The following TASP1 variants were observed in gnomAD, a reference collection of about 807,000 sequenced individuals.
TASP1 encodes threonine aspartase 1.
TASP1 carries 16 observed loss-of-function variants against 56.6 expected under a neutral mutation model. That is an observed-to-expected ratio of 0.28 (90% confidence interval 0.19 to 0.43). The LOEUF (loss-of-function observed/expected upper bound fraction) is 0.43. Among genes scored for constraint, TASP1 ranks in the 20% least tolerant of loss-of-function variants. The pLI is 1.00. For missense variants in TASP1, 393 were observed against 511.6 expected (o/e 0.77, Z 2.24); for synonymous variants, 179 against 184.2 (o/e 0.97, Z 0.23).
chr20:13,278,196 T>C, the TASP1 span, among the ~76,000 whole-genome samples: 1 of 152,166 alleles, frequency 6.6e-6, no homozygotes, highest in Non-Finnish European at 1.5e-5. Flanking sequence ...TAAACAAGTC[T>C]CTCTACGTTG....
At chr20:13,409,216 T>C (rs1348581877) in intron 13 of TASP1, among the ~76,000 whole-genome samples, 1 of 152,062 alleles carries the variant, frequency 6.6e-6, no homozygotes, top group South Asian at 2.1e-4. Context: ...AATAATAACT[T>C]GTTGAATGTA....
chr20:13,127,321 T>C, the TASP1 span, among the ~76,000 whole-genome samples: 4 of 152,212 alleles, frequency 2.6e-5, no homozygotes, highest in Non-Finnish European at 5.9e-5. Context: ...AGATGGTTTA[T>C]ACAGATTCTA....
the TASP1 span, among the ~76,000 whole-genome samples, chr20:13,277,476 T>C: frequency 2.6e-5 from 4 of 152,152 alleles, no homozygotes; most frequent in Non-Finnish European, 4.4e-5. Context: ...GCCCTGTCAC[T>C]GCCCAGCTTG....
chr20:13,432,992 ATACTT>A (rs1473942056), intron 12 of TASP1, among the ~76,000 whole-genome samples: 3 of 152,056 alleles, frequency 2.0e-5, no homozygotes, highest in Non-Finnish European at 4.4e-5. Flanking sequence ...TTGTTTTACT[ATACTT>A]TAAGTTCTGG....
intron 4 of TASP1, among the ~76,000 whole-genome samples, chr20:13,603,374 C>CA (rs147348649): frequency 2.0e-4 from 30 of 146,592 alleles, no homozygotes; most frequent in Non-Finnish European, 3.6e-4. Context: ...TCAGTCTCTA[C>CA]AAAAAAAAAA....
intron 9 of TASP1, among the ~76,000 whole-genome samples, chr20:13,532,334 A>G (rs935392442): frequency 2.6e-5 from 4 of 152,224 alleles, no homozygotes; most frequent in Non-Finnish European, 4.4e-5. Context: ...ACTTTAAAAA[A>G]TAATTAGCCT....
chr20:13,596,599 C>T (rs1409492732), intron 4 of TASP1, among the ~76,000 whole-genome samples: 1 of 152,028 alleles, frequency 6.6e-6, no homozygotes, highest in African/African-American at 2.4e-5. Flanking sequence ...AAAATCAACA[C>T]CGTAATATCA....
In TASP1 at chr20:13,440,199, T is replaced by A. The variant is rs538648529; in HGVS notation, c.986-5045A>T. Among the ~76,000 whole-genome samples the A allele has an allele frequency of 1.4e-4, 22 of 152,220 alleles. No homozygotes were observed. In the South Asian group the frequency reaches 4.6e-3, roughly 32 times the overall value. On this transcript the variant is annotated intron_variant, in intron 11 of 13. Coordinates refer to ENST00000337743, the MANE Select transcript of TASP1 (RefSeq NM_017714.3). ...ATTCTATATTCAGCCAAAAGGTCAA[T>A]AAAGTATGAAAGTGGAATAAAGCTC...
intron 13 of TASP1, among the ~76,000 whole-genome samples, chr20:13,407,625 T>C (rs543249176): frequency 2.0e-5 from 3 of 152,222 alleles, no homozygotes; most frequent in Non-Finnish European, 2.9e-5. Flanking sequence ...ATGGTAACTC[T>C]ATGTTTAACT....
intron 6 of TASP1, among the ~76,000 whole-genome samples, chr20:13,572,196 C>T (rs1470154894): frequency 6.6e-6 from 1 of 152,194 alleles, no homozygotes; most frequent in Non-Finnish European, 1.5e-5. Flanking sequence ...GCATTTAGAA[C>T]AGTGCCTAAA....
intron 6 of TASP1, among the ~76,000 whole-genome samples, chr20:13,580,230 T>C (rs2047072583): frequency 1.3e-5 from 2 of 152,206 alleles, no homozygotes; most frequent in Non-Finnish European, 2.9e-5. Flanking sequence ...GAGGATTGCT[T>C]GAGTCCAGGA....
the TASP1 span, among the ~76,000 whole-genome samples, chr20:13,259,955 A>G: frequency 6.6e-6 from 1 of 152,360 alleles, no homozygotes; most frequent in East Asian, 1.9e-4. Flanking sequence ...CCTGATACAT[A>G]ATAAATATCG....
chr20:13,315,024 T>C, the TASP1 span, among the ~76,000 whole-genome samples: 1 of 151,842 alleles, frequency 6.6e-6, no homozygotes, highest in Non-Finnish European at 1.5e-5. Flanking sequence ...TAAAAAAAAG[T>C]TTAAAAGGAA....
At chr20:13,223,337 C>G in the TASP1 span, among the ~76,000 whole-genome samples, 2 of 152,078 alleles carry the variant, frequency 1.3e-5, no homozygotes, top group African/African-American at 4.8e-5. Context: ...TAATAAAACA[C>G]TTCCATTGTG....
At chr20:13,126,145 T>C in the TASP1 span, among the ~76,000 whole-genome samples, 4 of 152,214 alleles carry the variant, frequency 2.6e-5, no homozygotes, top group Admixed American at 2.6e-4. Flanking sequence ...TGCAGGCCTG[T>C]TGCATGTCCT....
chr20:13,419,910 C>T (rs546433789), intron 12 of TASP1, among the ~76,000 whole-genome samples: 2 of 152,314 alleles, frequency 1.3e-5, no homozygotes, highest in African/African-American at 4.8e-5. Context: ...TTCGTCCACA[C>T]ACATCTGCTT....
intron 8 of TASP1, among the ~76,000 whole-genome samples, chr20:13,538,613 T>A (rs958966594): frequency 6.6e-6 from 1 of 152,108 alleles, no homozygotes; most frequent in African/African-American, 2.4e-5. Context: ...AGCTTTCACA[T>A]CTCTGAGTAT....
the TASP1 span, among the ~76,000 whole-genome samples, chr20:13,283,710 T>TCTAA: frequency 4.6e-5 from 7 of 152,324 alleles, no homozygotes; most frequent in East Asian, 1.4e-3. Context: ...TATGTTTTGG[T>TCTAA]CTAACAGTAG....
At chr20:13,144,417 A>G in the TASP1 span, among the ~76,000 whole-genome samples, 1 of 152,202 alleles carries the variant, frequency 6.6e-6, no homozygotes, top group African/African-American at 2.4e-5. Flanking sequence ...TGAGAAATAG[A>G]TGTAGTAGCT....
Sources: gnomAD v4.1 joint callset for allele counts (sites outside exome capture counted in the v4.1 genomes callset) on GRCh38, gnomAD v4.1.1 for gene constraint, MANE v1.5 for transcripts, NCBI Gene and HGNC (gene_info 2026-07-23, HGNC 2026-07-21) for gene names.